The following HIVEP2 variants were observed in gnomAD, a reference collection of about 807,000 sequenced individuals.
The protein encoded by HIVEP2 is transcription factor HIVEP2.
Under a neutral mutation model 180.7 loss-of-function variants are expected in HIVEP2, and 14 were observed. The observed-to-expected ratio is 0.08, with a 90% CI of 0.05 to 0.12. The LOEUF (loss-of-function observed/expected upper bound fraction) is 0.12. Among genes scored for constraint, HIVEP2 ranks in the 10% least tolerant of loss-of-function variants. HIVEP2 has a pLI of 1.00. For synonymous variants in HIVEP2, 1,184 were observed against 1,136.4 expected, an observed-to-expected ratio of 1.04 and a Z score of -0.84; for missense variants, 2,579 against 3,008.5, an observed-to-expected ratio of 0.86 and a Z score of 3.34.
At chr6:142,937,438 A>G (rs757572511) in intron 1 of HIVEP2, among the ~76,000 whole-genome samples, 2 of 152,246 alleles carry the variant, frequency 1.3e-5, no homozygotes, top group South Asian at 2.1e-4. Context: ...AAATTTCCCA[A>G]TGACTCTTGA....
chr6:142,753,724 G>A lies in HIVEP2; in HGVS notation c.6724C>T (p.Pro2242Ser). 6.2e-7 allele frequency: 1 copy of A among 1,614,182 alleles called. No homozygotes were observed. The highest frequency in any genetic ancestry group is 8.5e-7 in the Non-Finnish European group (1 of 1,180,026). The change falls in exon 10 of 10, where the codon CCA becomes TCA. Residue 2242 changes from proline to serine, a missense_variant. Pro to Ser is a moderately conservative substitution (Grantham distance 74, BLOSUM62 -1). Coordinates refer to ENST00000367603, the MANE Select transcript of HIVEP2 (RefSeq NM_006734.4). ...GGIQMVHSMP[P>S]ALSSLHPSPT... ...GAAGGATGTAAACTGGAAAGGGCTG[G>A]CGGCATGGAGTGAACCATCTGGATC...
intron 1 of HIVEP2, among the ~76,000 whole-genome samples, chr6:142,897,197 C>G (rs1320660453): frequency 2.0e-5 from 3 of 152,082 alleles, no homozygotes; most frequent in Admixed American, 6.5e-5. Flanking sequence ...ATAAGGTACA[C>G]CACTACATAG....
chr6:142,924,370 T>C (rs1440242635), intron 1 of HIVEP2, among the ~76,000 whole-genome samples: 1 of 152,228 alleles, frequency 6.6e-6, no homozygotes, highest in African/African-American at 2.4e-5. Flanking sequence ...GGCACCGTTC[T>C]AGGCATTAGG....
Position 142,770,042 on chromosome 6 carries a change from G to A in HIVEP2, c.4697C>T (p.Ser1566Leu), listed in dbSNP as rs1265748051. Reference protein sequence around the residue: ...SSGPSESKESSDELDIDETAS... With the variant: ...SSGPSESKESLDELDIDETAS... ...CGTCTCATCGATATCTAATTCATCT[G>A]AAGATTCTTTGCTTTCAGAAGGCCC... The change falls in exon 5 of 10, where the codon TCA becomes TTA. Residue 1566 changes from serine to leucine, a missense_variant. By Grantham distance (145) the Ser-to-Leu change is moderately radical. Transcript: ENST00000367603. The surrounding 1 kb of genome is among the most constrained non-coding windows in gnomAD (Gnocchi z 4.7). The A allele has an allele frequency of 1.2e-6, 2 of 1,614,186 alleles. No individual in the cohort carries two copies. Among genetic ancestry groups the A allele is most frequent in the Non-Finnish European group, 1.7e-6 (2 of 1,180,046 alleles).
At chr6:142,876,604 T>C (rs994637793) in intron 1 of HIVEP2, among the ~76,000 whole-genome samples, 11 of 152,166 alleles carry the variant, frequency 7.2e-5, no homozygotes, top group African/African-American at 1.2e-4. Flanking sequence ...ATGATTCCCA[T>C]TGAGTGCCAC....
At chr6:142,840,639 A>G (rs764865176) in intron 1 of HIVEP2, among the ~76,000 whole-genome samples, 8 of 152,078 alleles carry the variant, frequency 5.3e-5, no homozygotes, top group Non-Finnish European at 8.8e-5. Flanking sequence ...TAGCCATATG[A>G]TATTCCATAA....
At chr6:142,900,837 G>A (rs1777117295) in intron 1 of HIVEP2, among the ~76,000 whole-genome samples, 1 of 152,128 alleles carries the variant, frequency 6.6e-6, no homozygotes, top group Admixed American at 6.5e-5. Context: ...GAGGGTTGAG[G>A]TTTTTCCCCC....
intron 2 of HIVEP2, among the ~76,000 whole-genome samples, chr6:142,829,353 G>C (rs894897164): frequency 1.3e-5 from 2 of 151,924 alleles, no homozygotes; most frequent in Non-Finnish European, 2.9e-5. Flanking sequence ...CTTTACGTAG[G>C]TGAATATCAT....
chr6:142,815,331 C>T (rs1350781342), intron 2 of HIVEP2, among the ~76,000 whole-genome samples: 1 of 152,012 alleles, frequency 6.6e-6, no homozygotes, highest in African/African-American at 2.4e-5. Context: ...GAGGAGTAAT[C>T]GGGCAAGTAG....
At chr6:142,835,295 G>A (rs1052270156) in intron 2 of HIVEP2, among the ~76,000 whole-genome samples, 2 of 152,166 alleles carry the variant, frequency 1.3e-5, no homozygotes, top group African/African-American at 4.8e-5. Flanking sequence ...AATACACAAG[G>A]AGGCCATCTG....
Position 142,758,644 on chromosome 6 carries a change from C to A in HIVEP2, c.6516+1128G>T, listed in dbSNP as rs112100025. 2.9e-3 allele frequency among the ~76,000 whole-genome samples: 433 copies of A among 151,570 alleles called. 3 individuals carry two copies. The highest frequency in any genetic ancestry group is 4.8e-3 in the Non-Finnish European group (327 of 67,684). On this transcript the variant is annotated intron_variant, in intron 9 of 9. Coordinates refer to ENST00000367603, the MANE Select transcript of HIVEP2 (RefSeq NM_006734.4). ...TTTATTCATTTTTTAAAATCCTACA[C>A]AAACTGAAAGAGACATCACAGTCTA...
chr6:142,870,691 C>G (rs1045605459), intron 1 of HIVEP2, among the ~76,000 whole-genome samples: 2 of 152,070 alleles, frequency 1.3e-5, no homozygotes, highest in Non-Finnish European at 2.9e-5. Context: ...CACAACAACC[C>G]TACCATATAA....
intron 1 of HIVEP2, among the ~76,000 whole-genome samples, chr6:142,876,879 C>CACACACAA (rs1776453003): frequency 6.6e-6 from 1 of 151,790 alleles, no homozygotes. Context: ...CACACACACA[C>CACACACAA]ACAAACACAA....
At chr6:142,876,368 T>C (rs1444843653) in intron 1 of HIVEP2, among the ~76,000 whole-genome samples, 1 of 152,168 alleles carries the variant, frequency 6.6e-6, no homozygotes, top group Admixed American at 6.5e-5. Context: ...CCTGTCATCC[T>C]ATGGATAATA....
At chr6:142,930,329 C>A (rs996290338) in intron 1 of HIVEP2, among the ~76,000 whole-genome samples, 1 of 152,194 alleles carries the variant, frequency 6.6e-6, no homozygotes, top group African/African-American at 2.4e-5. Context: ...TACCTACCTA[C>A]TTGCTTGCTT....
chr6:142,810,671 A>G (rs761460285), intron 2 of HIVEP2, among the ~76,000 whole-genome samples: 2 of 149,970 alleles, frequency 1.3e-5, no homozygotes, highest in African/African-American at 2.5e-5. Context: ...CTGAGGCAGG[A>G]GAATTGCTTG....
chr6:142,769,061 G>GA (rs1582838994), intron 5 of HIVEP2, among the ~76,000 whole-genome samples: 1 of 148,898 alleles, frequency 6.7e-6, no homozygotes. Flanking sequence ...CAGCAACTTG[G>GA]AAAAATAAGT....
chr6:142,808,045 T>C (rs536020687), intron 2 of HIVEP2, among the ~76,000 whole-genome samples: 13 of 152,294 alleles, frequency 8.5e-5, no homozygotes, highest in Admixed American at 6.5e-4. Flanking sequence ...CTTAGGGCCC[T>C]CCAGAATCTG....
chr6:142,915,505 C>T (rs1777528299), intron 1 of HIVEP2, among the ~76,000 whole-genome samples: 1 of 152,158 alleles, frequency 6.6e-6, no homozygotes, highest in South Asian at 2.1e-4. Context: ...TTGCAGCCTC[C>T]AGAACTGTGA....
Sources: allele counts gnomAD v4.1 joint callset (sites outside exome capture counted in the v4.1 genomes callset), GRCh38; gene constraint gnomAD v4.1.1; non-coding constraint Gnocchi (gnomAD v3.1); transcripts MANE v1.5; gene names NCBI Gene and HGNC (gene_info 2026-07-23, HGNC 2026-07-21).